HECW2: variants seen among roughly 807,000 people sequenced by gnomAD.
HECW2 encodes HECT, C2 and WW domain containing E3 ubiquitin protein ligase 2.
A neutral mutation model predicts 175.2 loss-of-function variants in HECW2; 61 were observed. That is an observed-to-expected ratio of 0.35 (90% CI 0.28 to 0.43). The LOEUF is 0.43. Ranked by LOEUF, HECW2 falls within the 20% of genes least tolerant of loss-of-function variation. The probability of loss-of-function intolerance (pLI) is 1.00; values close to 1 mark genes in which losing one functional copy is unlikely to be tolerated. For missense variants in HECW2, 1,524 were observed against 2,000.5 expected, an observed-to-expected ratio of 0.76 and a Z score of 4.54; for synonymous variants, 671 against 731.0, an observed-to-expected ratio of 0.92 and a Z score of 1.32.
intron 1 of HECW2, among the ~76,000 whole-genome samples, chr2:196,479,893 A>G (rs1245954445): frequency 1.3e-5 from 2 of 152,178 alleles, no homozygotes; most frequent in African/African-American, 4.8e-5. Flanking sequence ...GCATCCTGAA[A>G]CTACTTCTAC....
chr2:196,319,710 T>C lies in HECW2; in HGVS notation c.1180A>G (p.Ile394Val), dbSNP rs777518073. Reference sequence around the variant, plus strand: ...GTAGAGGTTAATTCCTCTGTGTCTATTTCCAGAGTGGAGCTAGTCCTGAAT... The same window carrying C: ...GTAGAGGTTAATTCCTCTGTGTCTACTTCCAGAGTGGAGCTAGTCCTGAAT... ...HSFRTSSTLE[I>V]DTEELTSTSS... The change falls in exon 9 of 29, where the codon ATA becomes GTA. Residue 394 changes from isoleucine to valine, a missense_variant. Transcript: ENST00000644978. The C allele has an allele frequency of 3.8e-5, 61 of 1,614,082 alleles. No homozygotes were observed. The highest frequency in any genetic ancestry group is 4.7e-5 in the Non-Finnish European group (55 of 1,180,048).
At chr2:196,356,537 C>T (rs764127234) in intron 2 of HECW2, among the ~76,000 whole-genome samples, 1 of 152,212 alleles carries the variant, frequency 6.6e-6, no homozygotes, top group Admixed American at 6.5e-5. Flanking sequence ...ACTGTAGATG[C>T]TCCCTGCTTG....
In HECW2 at chr2:196,278,587, T is replaced by C; in HGVS notation, c.3076A>G (p.Thr1026Ala). 6.2e-7 allele frequency: 1 copy of C among 1,614,056 alleles called. No individual in the cohort carries two copies. The highest frequency in any genetic ancestry group is 8.5e-7 in the Non-Finnish European group (1 of 1,179,984). The change falls in exon 15 of 29, where the codon ACA (threonine) becomes GCA (alanine). Residue 1026 changes from threonine to alanine, a missense_variant. Physicochemically the swap from Thr to Ala is moderately conservative, Grantham distance 58 (BLOSUM62 0). Coordinates refer to ENST00000644978, the MANE Select transcript of HECW2 (RefSeq NM_001348768.2). The part of the protein sequence containing the change: ...PRLPLQSSRP[T>A]SALVHRQHLT... ...TGTTGCCGATGAACCAGCGCACTTGTGGGTCTACTGCTCTGAAGTGGGAGC... is the reference window on the plus strand; with the variant it reads ...TGTTGCCGATGAACCAGCGCACTTGCGGGTCTACTGCTCTGAAGTGGGAGC...
Position 196,347,282 on chromosome 2 carries a change from G to A in HECW2, c.293-3518C>T, listed in dbSNP as rs935897124. On this transcript the variant is annotated intron_variant, in intron 2 of 28. Transcript: ENST00000644978. ...TCACCATGTTGGCCAGGCTGGTCTC[G>A]AATTCCTGACCTCGTGATCCACCTG... 7.8e-4 allele frequency among the ~76,000 whole-genome samples: 118 copies of A among 151,848 alleles called. 1 individual carries two copies. Among genetic ancestry groups the A allele is most frequent in the Admixed American group, 7.5e-3 (115 of 15,254 alleles).
At chr2:196,575,080 CAAAAA>C (rs1164886570) in intron 1 of HECW2, among the ~76,000 whole-genome samples, 3 of 29,850 alleles carry the variant, frequency 1.0e-4, no homozygotes, top group African/African-American at 3.1e-4. Flanking sequence ...GGCCTTGTCT[CAAAAA>C]AAAAAAAAAA....
At chr2:196,223,532 A>C (rs1414633759) in intron 23 of HECW2, among the ~76,000 whole-genome samples, 2 of 152,230 alleles carry the variant, frequency 1.3e-5, no homozygotes, top group Non-Finnish European at 2.9e-5. Flanking sequence ...AACTCCAAGC[A>C]TATCAGCAGT....
chr2:196,263,466 C>T (rs930904964), intron 17 of HECW2: 1 of 152,260 alleles, frequency 6.6e-6, no homozygotes, highest in African/African-American at 2.4e-5. Flanking sequence ...CGACTCTGCA[C>T]ATCCTGGTTC....
At chr2:196,230,007 T>A (rs915455146) in intron 21 of HECW2, among the ~76,000 whole-genome samples, 2 of 152,202 alleles carry the variant, frequency 1.3e-5, no homozygotes, top group African/African-American at 4.8e-5. Flanking sequence ...ACACCCATAC[T>A]GTGCTGACAG....
At chr2:196,203,281 T>A (rs1686936270) in intron 28 of HECW2, among the ~76,000 whole-genome samples, 1 of 152,118 alleles carries the variant, frequency 6.6e-6, no homozygotes. Context: ...AGAATTGCAT[T>A]TGATATCCTT....
chr2:196,301,529 G>A (rs1691052068), intron 13 of HECW2, among the ~76,000 whole-genome samples: 1 of 151,440 alleles, frequency 6.6e-6, no homozygotes, highest in African/African-American at 2.4e-5. Flanking sequence ...CTGTAACTTC[G>A]CCAGCATCTG....
chr2:196,542,111 A>G (rs1297613402), intron 1 of HECW2, among the ~76,000 whole-genome samples: 1 of 151,952 alleles, frequency 6.6e-6, no homozygotes, highest in African/African-American at 2.4e-5. Context: ...AAAAAATACA[A>G]AAATTAGTCA....
intron 2 of HECW2, among the ~76,000 whole-genome samples, chr2:196,417,540 G>A (rs569366572): frequency 1.3e-5 from 2 of 152,290 alleles, no homozygotes; most frequent in African/African-American, 4.8e-5. Flanking sequence ...TCAGCCTCCC[G>A]AGTAACTGGT....
At chr2:196,228,487 T>C (rs1446987876) in intron 21 of HECW2, among the ~76,000 whole-genome samples, 3 of 152,170 alleles carry the variant, frequency 2.0e-5, no homozygotes, top group Non-Finnish European at 2.9e-5. Context: ...CCACACATCA[T>C]ACAACAGGCA....
chr2:196,291,230 A>G (rs1325636291), intron 14 of HECW2: 3 of 151,920 alleles, frequency 2.0e-5, no homozygotes, highest in Non-Finnish European at 4.4e-5. Flanking sequence ...TTTACTCCTT[A>G]CTTCTTTCAG....
chr2:196,217,088 G>C lies in HECW2; in HGVS notation c.4414C>G (p.His1472Asp). The C allele has an allele frequency of 6.3e-7, 1 of 1,584,476 alleles. No homozygotes were observed. ...RNNTEYRGGY[H>D]DNHIVIRWFW... ...CACCGAATTACAATATGATTGTCAT[G>C]GTATCCTATCAAACCAATCATAAAA... Residue 1472 changes from histidine (H) to aspartate (D), a missense_variant, in exon 27 of 29, where the codon CAT becomes GAT. This residue lies in a region of HECW2 where 134 missense variants were observed against 287.8 expected (regional missense o/e 0.47). Transcript: ENST00000644978.
At chr2:196,291,090 G>A (rs1690585922) in intron 14 of HECW2, 1 of 152,122 alleles carries the variant, frequency 6.6e-6, no homozygotes, top group African/African-American at 2.4e-5. Flanking sequence ...AGGTAATATT[G>A]CTGGAAGCTG....
At chr2:196,508,891 AC>A (rs1226311844) in intron 1 of HECW2, among the ~76,000 whole-genome samples, 1 of 152,124 alleles carries the variant, frequency 6.6e-6, no homozygotes. Context: ...ACATGGTGAA[AC>A]CCTGTCTCTA....
chr2:196,509,166 A>G (rs1687861695), intron 1 of HECW2, among the ~76,000 whole-genome samples: 1 of 152,254 alleles, frequency 6.6e-6, no homozygotes. Context: ...TTTAAAGGCT[A>G]CAAATGAATA....
chr2:196,326,240 T>C (rs1014950416), intron 5 of HECW2, among the ~76,000 whole-genome samples: 1 of 152,108 alleles, frequency 6.6e-6, no homozygotes, highest in African/African-American at 2.4e-5. Flanking sequence ...AAGGTCTTTC[T>C]TAGAAAAATA....
Sources: allele counts gnomAD v4.1 joint callset (sites outside exome capture counted in the v4.1 genomes callset), GRCh38; gene constraint gnomAD v4.1.1; regional missense constraint gnomAD v4.1.1; transcripts MANE v1.5; gene names NCBI Gene and HGNC (gene_info 2026-07-23, HGNC 2026-07-21).